Variants in LOC128462377 observed in about 807,000 individuals in gnomAD.
the LOC128462377 span, among the ~76,000 whole-genome samples, chr16:89,394,454 C>T: frequency 1.3e-5 from 2 of 152,174 alleles, no homozygotes; most frequent in African/African-American, 2.4e-5. Flanking sequence ...CATGGTGAAA[C>T]CCTGTCTCTA....
the LOC128462377 span, among the ~76,000 whole-genome samples, chr16:89,356,403 C>A: frequency 6.6e-6 from 1 of 151,620 alleles, no homozygotes; most frequent in African/African-American, 2.4e-5. Flanking sequence ...GCTCCGGAAG[C>A]CAGATGGAGC....
chr16:89,330,656 C>T, the LOC128462377 span, among the ~76,000 whole-genome samples: 3 of 4,268 alleles, frequency 7.0e-4, no homozygotes, highest in African/African-American at 2.8e-3. Flanking sequence ...AGTACAGTGA[C>T]TGGGGGGGGG....
chr16:89,415,961 T>A, the LOC128462377 span, among the ~76,000 whole-genome samples: 1 of 151,960 alleles, frequency 6.6e-6, no homozygotes, highest in African/African-American at 2.4e-5. Context: ...GGCCTCTCTG[T>A]AGCAACACTG....
the LOC128462377 span, among the ~76,000 whole-genome samples, chr16:89,391,660 A>T: frequency 2.6e-5 from 4 of 152,190 alleles, no homozygotes; most frequent in Admixed American, 6.5e-5. Context: ...CAAACTCAGT[A>T]ATGATTTTAA....
At chr16:89,416,186 A>G in the LOC128462377 span, among the ~76,000 whole-genome samples, 1 of 152,136 alleles carries the variant, frequency 6.6e-6, no homozygotes, top group Non-Finnish European at 1.5e-5. Flanking sequence ...CAGTACATCT[A>G]TTGTTCTCAA....
the LOC128462377 span, among the ~76,000 whole-genome samples, chr16:89,402,125 C>T: frequency 6.6e-6 from 1 of 152,178 alleles, no homozygotes; most frequent in Non-Finnish European, 1.5e-5. Flanking sequence ...GAAATCCTGA[C>T]TTTTCCATAA....
At chr16:89,344,757 G>A in the LOC128462377 span, among the ~76,000 whole-genome samples, 1 of 150,808 alleles carries the variant, frequency 6.6e-6, no homozygotes, top group Admixed American at 6.6e-5. Flanking sequence ...GAGGGCACGG[G>A]AGCACAGCGG....
At chr16:89,406,327 G>A in the LOC128462377 span, among the ~76,000 whole-genome samples, 7 of 152,130 alleles carry the variant, frequency 4.6e-5, no homozygotes. Context: ...CTCACTGCCA[G>A]GTCACGGCGG....
the LOC128462377 span, among the ~76,000 whole-genome samples, chr16:89,400,878 C>T: frequency 6.7e-4 from 102 of 152,262 alleles, no homozygotes; most frequent in African/African-American, 2.2e-3. Flanking sequence ...GCTGCACACA[C>T]CTTGGACGCC....
the LOC128462377 span, among the ~76,000 whole-genome samples, chr16:89,371,833 A>G: frequency 6.6e-6 from 1 of 152,092 alleles, no homozygotes; most frequent in African/African-American, 2.4e-5. Context: ...CATGTTCCTG[A>G]GCAAACCGAG....
At chr16:89,367,322 T>A in the LOC128462377 span, among the ~76,000 whole-genome samples, 4 of 152,160 alleles carry the variant, frequency 2.6e-5, no homozygotes, top group African/African-American at 9.7e-5. Flanking sequence ...CGGGAGCCCC[T>A]CCTCCTGAGC....
At chr16:89,363,546 A>ATAGT in the LOC128462377 span, among the ~76,000 whole-genome samples, 1 of 152,192 alleles carries the variant, frequency 6.6e-6, no homozygotes, top group Non-Finnish European at 1.5e-5. Context: ...AAAACCTTAC[A>ATAGT]TAGTTCACAA....
At chr16:89,356,817 G>A in the LOC128462377 span, among the ~76,000 whole-genome samples, 2 of 151,164 alleles carry the variant, frequency 1.3e-5, no homozygotes, top group Non-Finnish European at 3.0e-5. Flanking sequence ...AAAAAAGAAC[G>A]TAATGGTACA....
At chr16:89,348,027 G>C in the LOC128462377 span, among the ~76,000 whole-genome samples, 1 of 151,772 alleles carries the variant, frequency 6.6e-6, no homozygotes, top group Non-Finnish European at 1.5e-5. Flanking sequence ...TCTACCTCCT[G>C]GGCTCAATGG....
the LOC128462377 span, among the ~76,000 whole-genome samples, chr16:89,335,235 G>A: frequency 1.3e-5 from 2 of 152,102 alleles, no homozygotes; most frequent in South Asian, 2.1e-4. Context: ...GCTGGGAGAC[G>A]CGGGTGACAG....
At chr16:89,417,732 C>A in the LOC128462377 span, among the ~76,000 whole-genome samples, 1 of 152,108 alleles carries the variant, frequency 6.6e-6, no homozygotes, top group Non-Finnish European at 1.5e-5. Context: ...AGCACAACAG[C>A]TCCCAGGATA....
At chr16:89,394,742 A>C in the LOC128462377 span, among the ~76,000 whole-genome samples, 1 of 152,208 alleles carries the variant, frequency 6.6e-6, no homozygotes, top group Non-Finnish European at 1.5e-5. Flanking sequence ...TTTTATGACA[A>C]AGGCTCCATC....
the LOC128462377 span, chr16:89,339,859 T>G: frequency 6.6e-6 from 1 of 152,160 alleles, no homozygotes; most frequent in East Asian, 1.9e-4. Context: ...TCTCGGCGCT[T>G]TGATACTCAC....
the LOC128462377 span, among the ~76,000 whole-genome samples, chr16:89,371,077 C>T: frequency 3.3e-5 from 5 of 152,102 alleles, no homozygotes; most frequent in Admixed American, 6.5e-5. Flanking sequence ...AGGTGAGAAA[C>T]GTTCAACTGC....
Sources: gnomAD v4.1 joint callset for allele counts (sites outside exome capture counted in the v4.1 genomes callset) on GRCh38, gnomAD v4.1.1 for gene constraint, MANE v1.5 for transcripts.